NPHP1: variants seen among roughly 807,000 people sequenced by gnomAD.
NPHP1 encodes the protein nephrocystin 1, also known as nephrocystin-1.
NPHP1 carries 70 observed loss-of-function variants against 90.4 expected under a neutral mutation model. The observed-to-expected ratio is 0.77, with a 90% CI of 0.64 to 0.95. NPHP1 has a LOEUF of 0.95. NPHP1 is among the 40% of genes least tolerant of loss of function. The pLI is 0.00. For synonymous variants in NPHP1, 256 were observed against 271.7 expected (o/e 0.94, Z 0.57); for missense variants, 764 against 795.9 (o/e 0.96, Z 0.48).
chr2:110,149,380 T>C (rs1313721634), intron 12 of NPHP1, among the ~76,000 whole-genome samples: 1 of 152,092 alleles, frequency 6.6e-6, no homozygotes, highest in Non-Finnish European at 1.5e-5. Flanking sequence ...AACAGAATTG[T>C]GAAGTACTGT....
At chr2:110,130,795 C>T (rs1336808557) in intron 17 of NPHP1, among the ~76,000 whole-genome samples, 1 of 152,184 alleles carries the variant, frequency 6.6e-6, no homozygotes, top group Non-Finnish European at 1.5e-5. Context: ...TCCTCTCTCA[C>T]ATCTTTTGTT....
chr2:110,141,768 C>T (rs1054918646), intron 16 of NPHP1, among the ~76,000 whole-genome samples: 25 of 151,754 alleles, frequency 1.6e-4, no homozygotes, highest in African/African-American at 5.1e-4. Context: ...GTCAGGAGTT[C>T]GAGACCATCC....
At chr2:110,158,425 C>T (rs1247044931) in intron 11 of NPHP1, among the ~76,000 whole-genome samples, 6 of 152,052 alleles carry the variant, frequency 3.9e-5, no homozygotes, top group Admixed American at 3.9e-4. Flanking sequence ...GAGGCCCCAA[C>T]TATAATTGTG....
intron 16 of NPHP1, among the ~76,000 whole-genome samples, chr2:110,139,316 C>A (rs1487250903): frequency 4.6e-5 from 7 of 152,106 alleles, no homozygotes; most frequent in Non-Finnish European, 1.0e-4. Flanking sequence ...GGCTTTCCCT[C>A]CTCAGGGGTT....
intron 2 of NPHP1, among the ~76,000 whole-genome samples, chr2:110,198,134 A>G (rs1338728876): frequency 1.3e-5 from 2 of 152,128 alleles, no homozygotes; most frequent in Admixed American, 6.5e-5. Flanking sequence ...TTTCTGCTCC[A>G]TGGAAAAAGG....
intron 16 of NPHP1, among the ~76,000 whole-genome samples, chr2:110,132,762 G>T (rs1307162514): frequency 6.6e-6 from 1 of 152,112 alleles, no homozygotes; most frequent in Non-Finnish European, 1.5e-5. Flanking sequence ...AAGTTAAATT[G>T]GTATCAGTTT....
chr2:110,183,046 A>G (rs953719053), intron 2 of NPHP1, among the ~76,000 whole-genome samples: 3 of 152,184 alleles, frequency 2.0e-5, no homozygotes, highest in East Asian at 3.9e-4. Flanking sequence ...AAAAAGACAA[A>G]GAAGGGCATT....
intron 2 of NPHP1, among the ~76,000 whole-genome samples, chr2:110,193,067 G>A (rs182920267): frequency 2.6e-5 from 4 of 152,160 alleles, no homozygotes; most frequent in African/African-American, 9.7e-5. Flanking sequence ...AGATTGTGAA[G>A]ACCATCGAGG....
intron 2 of NPHP1, among the ~76,000 whole-genome samples, chr2:110,191,002 G>A (rs914919454): frequency 7.2e-5 from 11 of 152,120 alleles, no homozygotes; most frequent in Admixed American, 6.6e-4. Context: ...ACAGATGTTG[G>A]CAAAATTGCA....
At chr2:110,142,014 G>T (rs1007016806) in intron 16 of NPHP1, among the ~76,000 whole-genome samples, 2 of 150,154 alleles carry the variant, frequency 1.3e-5, no homozygotes, top group Non-Finnish European at 3.0e-5. Context: ...AATGAAAACA[G>T]TTTGGCAGTT....
intron 2 of NPHP1, among the ~76,000 whole-genome samples, chr2:110,193,269 G>C (rs1218026418): frequency 6.6e-6 from 1 of 152,114 alleles, no homozygotes; most frequent in East Asian, 1.9e-4. Flanking sequence ...CCCATCTCAT[G>C]TACAGAGACA....
chr2:110,131,181 T>C (rs1205141804), intron 17 of NPHP1, among the ~76,000 whole-genome samples: 2 of 152,170 alleles, frequency 1.3e-5, no homozygotes, highest in African/African-American at 4.8e-5. Flanking sequence ...ACATTTTACT[T>C]GGTAAAAATT....
intron 11 of NPHP1, among the ~76,000 whole-genome samples, chr2:110,156,349 T>C (rs1681887082): frequency 6.6e-6 from 1 of 152,156 alleles, no homozygotes; most frequent in South Asian, 2.1e-4. Flanking sequence ...TCTGCCACCA[T>C]GTGAGATGTG....
At chr2:110,129,316 T>G in intron 17 of NPHP1, 57 bp from the exon 18 acceptor site, 1 of 1,214,848 alleles carries the variant, frequency 8.2e-7, no homozygotes, top group Middle Eastern at 1.9e-4. Context: ...TGGATTTTAT[T>G]GCAATAGACA....
At chr2:110,147,620 G>A (rs989565622) in intron 13 of NPHP1, among the ~76,000 whole-genome samples, 1 of 152,126 alleles carries the variant, frequency 6.6e-6, no homozygotes, top group African/African-American at 2.4e-5. Flanking sequence ...CCATGGCGCT[G>A]GGATGCCAGT....
chr2:110,178,819 A>G, intron 3 of NPHP1: 1 of 316,900 alleles, frequency 3.2e-6, no homozygotes, highest in Non-Finnish European at 5.8e-6. Flanking sequence ...AGTAAGAGAT[A>G]TGTTCTGACA....
intron 16 of NPHP1, 41 bp from the exon 17 acceptor site, chr2:110,131,832 T>C: frequency 2.5e-6 from 3 of 1,221,018 alleles, no homozygotes; most frequent in Non-Finnish European, 1.2e-6. Context: ...GACAATCCCC[T>C]ACAATCCAAC....
intron 1 of NPHP1, 92 bp downstream of exon 1, chr2:110,204,808 G>A (rs1350018539): frequency 7.4e-7 from 1 of 1,352,504 alleles, no homozygotes; most frequent in African/African-American, 1.4e-5. Flanking sequence ...CAAGCTCCCA[G>A]GATTAGGTGG....
In NPHP1 at chr2:110,168,882, A is replaced by G. The variant is rs1474383933; in HGVS notation, c.523-329T>C. ...TCCAAAAATTCAATTACTGCGTAAA[A>G]TATTTTTGAATGTTTTAATATCTCT... On this transcript the variant is annotated intron_variant, in intron 5 of 19. Transcript: ENST00000445609. Among the ~76,000 whole-genome samples, 34 of 152,140 alleles carry G rather than the reference A, an allele frequency of 2.2e-4. 1 individual carries two copies. The highest frequency in any genetic ancestry group is 2.2e-3 in the Admixed American group (34 of 15,274).
Sources: allele counts gnomAD v4.1 joint callset (sites outside exome capture counted in the v4.1 genomes callset), GRCh38; gene constraint gnomAD v4.1.1; transcripts MANE v1.5; gene names NCBI Gene and HGNC (gene_info 2026-07-23, HGNC 2026-07-21).